Variants in LBR observed in about 807,000 individuals in gnomAD.
LBR encodes delta(14)-sterol reductase LBR.
A neutral mutation model predicts 74.3 loss-of-function variants in LBR; 28 were observed. The ratio of observed to expected loss-of-function variants is 0.38; its 90% CI spans 0.28 to 0.52. LBR has a LOEUF of 0.52. Ranked by LOEUF, LBR falls within the 20% of genes least tolerant of loss-of-function variation. LBR has a pLI of 0.89. For synonymous variants in LBR, 228 were observed against 269.3 expected (o/e 0.85, Z 1.50); for missense variants, 717 against 760.3 (o/e 0.94, Z 0.67).
At chr1:225,404,085 G>A (rs1038433541) in intron 13 of LBR, among the ~76,000 whole-genome samples, 2 of 151,866 alleles carry the variant, frequency 1.3e-5, no homozygotes, top group African/African-American at 2.4e-5. Context: ...AAAAACCAAA[G>A]TTTTTCCCAA....
intron 5 of LBR, 129 bp downstream of exon 5, chr1:225,419,134 A>G: frequency 1.2e-6 from 1 of 863,096 alleles, no homozygotes; most frequent in Non-Finnish European, 2.0e-6. Flanking sequence ...AGGCTCTTCC[A>G]CAGGTTCCCA....
chr1:225,419,193 C>T, intron 5 of LBR, 70 bp downstream of exon 5: 5 of 1,448,034 alleles, frequency 3.5e-6, no homozygotes, highest in South Asian at 1.1e-5. Context: ...GAGGCCTTTC[C>T]AGTTCACCTT....
chr1:225,408,107 T>C (rs375554296), intron 10 of LBR, among the ~76,000 whole-genome samples: 13 of 152,308 alleles, frequency 8.5e-5, no homozygotes, highest in Admixed American at 2.0e-4. Flanking sequence ...TACAGTGGTA[T>C]AGAATACTAG....
At chr1:225,424,514 C>T (rs1027438476) in intron 1 of LBR, among the ~76,000 whole-genome samples, 1 of 152,160 alleles carries the variant, frequency 6.6e-6, no homozygotes, top group Non-Finnish European at 1.5e-5. Context: ...ATAAACCAGA[C>T]TGGGAAAATC....
intron 11 of LBR, among the ~76,000 whole-genome samples, 184 bp from the exon 12 acceptor site, chr1:225,404,890 G>A (rs999027218): frequency 5.9e-5 from 9 of 152,064 alleles, no homozygotes; most frequent in East Asian, 1.9e-4. Flanking sequence ...ATGAGCCACC[G>A]CACCTGGCCT....
At position 225,411,421 on chromosome 1, in the gene LBR, G is replaced by A. The variant is rs1235379857; in HGVS notation, c.1104C>T (p.Phe368=). 1 of 1,613,496 alleles carries A rather than the reference G, an allele frequency of 6.2e-7. No individual in the cohort carries two copies. Among genetic ancestry groups the A allele is most frequent in the Admixed American group, 1.7e-5 (1 of 60,014 alleles). ...PASSGNAVYD[F]FIGRELNPRI... ...GAGGGTTTAATTCACGGCCAATGAA[G>A]AAATCATAGACAGCATTTCCTGAGA... Residue 368 remains phenylalanine, a synonymous_variant, in exon 9 of 14, where the codon TTC becomes TTT. Transcript: ENST00000272163.
rs755984972 is a variant in LBR, at chr1:225,422,219, C to T, written c.224G>A (p.Arg75His). ...GGSTSSSPSR[R>H]RGSRSRSRSR... ...GCGTGACCTTGATCGACTCCCTCGGCGTCTGGAAGGGGAACTGGAAGTTGA... is the reference window on the plus strand; with the variant it reads ...GCGTGACCTTGATCGACTCCCTCGGTGTCTGGAAGGGGAACTGGAAGTTGA... The change falls in exon 3 of 14, where the codon CGC (arginine) becomes CAC (histidine). Residue 75 changes from arginine to histidine, a missense_variant. By Grantham distance (29) the Arg-to-His change is conservative. Transcript: ENST00000272163. 9.2e-5 allele frequency: 148 copies of T among 1,613,684 alleles called. No homozygotes were observed. Among genetic ancestry groups the T allele is most frequent in the South Asian group, 2.2e-4 (20 of 91,060 alleles).
chr1:225,415,261 TAAA>T lies in LBR; in HGVS notation c.892+14_892+16del. The T allele has an allele frequency of 1.3e-6, 2 of 1,535,686 alleles. No individual in the cohort carries two copies. Among genetic ancestry groups the T allele is most frequent in the Non-Finnish European group, 1.8e-6 (2 of 1,114,530 alleles). The stretch of plus-strand genomic sequence containing the variant: ...GCTATCAAATCATCAATTTGAGTCT[TAAA>T]AAAAGAAAATCACCATTTAATCTAT... On this transcript the variant is annotated intron_variant, in intron 7 of 13. Coordinates refer to ENST00000272163, the MANE Select transcript of LBR (RefSeq NM_002296.4).
chr1:225,417,063 C>T (rs983375244), intron 6 of LBR, among the ~76,000 whole-genome samples: 6 of 151,910 alleles, frequency 3.9e-5, no homozygotes, highest in Non-Finnish European at 8.8e-5. Context: ...CTTTAAACAC[C>T]AAAACTGCTT....
At chr1:225,408,316 T>TA (rs2096096718) in intron 10 of LBR, among the ~76,000 whole-genome samples, 1 of 152,202 alleles carries the variant, frequency 6.6e-6, no homozygotes, top group Admixed American at 6.5e-5. Context: ...AAGAGTGTCT[T>TA]ATTCTTCTCT....
chr1:225,419,389 T>C lies in LBR; in HGVS notation c.514A>G (p.Arg172Gly). Reference protein sequence around the residue: ...IATQYSLRPRREEVKLKEIDS... With the variant: ...IATQYSLRPRGEEVKLKEIDS... The stretch of plus-strand genomic sequence containing the variant: ...ATTTCTTTTAATTTGACTTCTTCTC[T>C]TCTTGGACGAAGGCTATACTGTGTT... The change falls in exon 5 of 14, where the codon AGA becomes GGA. Residue 172 changes from arginine (R) to glycine (G), a missense_variant. Arg to Gly is a moderately radical substitution (Grantham distance 125). Coordinates refer to ENST00000272163, the MANE Select transcript of LBR (RefSeq NM_002296.4). 1 of 1,613,714 alleles carries C rather than the reference T, an allele frequency of 6.2e-7. No homozygotes were observed. Among genetic ancestry groups the C allele is most frequent in the Middle Eastern group, 1.7e-4 (1 of 6,056 alleles).
intron 10 of LBR, 148 bp downstream of exon 10, chr1:225,410,143 C>T (rs1374049589): frequency 2.6e-5 from 31 of 1,178,670 alleles, no homozygotes; most frequent in East Asian, 2.5e-5. Flanking sequence ...TCGTCAGCTT[C>T]ACATGGATGG....
chr1:225,427,464 C>T (rs1055011593), intron 1 of LBR: 2 of 152,828 alleles, frequency 1.3e-5, no homozygotes, highest in African/African-American at 4.8e-5. Flanking sequence ...AATCTAAGCC[C>T]ACCTCGGCCG....
Position 225,415,279 on chromosome 1 carries a change from A to G in LBR, c.891T>C (p.Asn297=). 6.3e-7 allele frequency: 1 copy of G among 1,583,510 alleles called. No homozygotes were observed. ...IDGRRLKYRL[N]GFYAFILTSA... is the part of the protein sequence containing the mutation. ...TGAGTCTTAAAAAAAGAAAATCACC[A>G]TTTAATCTATACTTGAGTCTTCTTC... The change falls in exon 7 of 14, where the codon AAT becomes AAC. Residue 297 remains asparagine (N), a splice_region_variant and synonymous_variant. Coordinates refer to ENST00000272163, the MANE Select transcript of LBR (RefSeq NM_002296.4).
chr1:225,410,275 T>C lies in LBR; in HGVS notation c.1314+16A>G. On this transcript the variant is annotated intron_variant, in intron 10 of 13. Transcript: ENST00000272163. ...AGCCATCTGACTCCAAGGCCTCGGC[T>C]CTTAAAATTAATTACCTCATTCCAG... The C allele has an allele frequency of 6.2e-7, 1 of 1,613,852 alleles. No homozygotes were observed. The highest frequency in any genetic ancestry group is 8.5e-7 in the Non-Finnish European group (1 of 1,179,908).
rs2096085021 is a variant in LBR at position 225,403,369 on chromosome 1, T to C, written c.1782A>G (p.Lys594=). Residue 594 remains lysine, a synonymous_variant, in exon 14 of 14, where the codon AAA becomes AAG. Transcript: ENST00000272163. ...EARDEYHCKK[K]YGVAWEKYCQ... is the part of the protein sequence containing the mutation. Reference sequence around the variant, plus strand: ...AGTACTTTTCCCAAGCCACGCCGTATTTCTTCTTACAGTGGTACTCGTCAC... The same window carrying C: ...AGTACTTTTCCCAAGCCACGCCGTACTTCTTCTTACAGTGGTACTCGTCAC... The C allele has an allele frequency of 1.2e-6, 2 of 1,613,672 alleles. No individual in the cohort carries two copies. The highest frequency in any genetic ancestry group is 1.1e-5 in the South Asian group (1 of 91,074).
At position 225,402,899 on chromosome 1, in the gene LBR, A is replaced by G; in HGVS notation, c.*404T>C. ...CTATTCTCTTACTGAATAAAACATA[A>G]ATGTACTTTAAATGGAACAGTGTTT... On this transcript the variant is annotated 3_prime_UTR_variant, in exon 14 of 14. Transcript: ENST00000272163. 5.7e-6 allele frequency: 1 copy of G among 173,962 alleles called. No homozygotes were observed. Among genetic ancestry groups the G allele is most frequent in the African/African-American group, 2.4e-5 (1 of 41,744 alleles). 10.8% of individuals were successfully genotyped at this position (173,962 alleles called of 1,614,324 possible).
At chr1:225,408,256 TAGCGCCCACATATAAGTG>T (rs2096096574) in intron 10 of LBR, among the ~76,000 whole-genome samples, 1 of 152,212 alleles carries the variant, frequency 6.6e-6, no homozygotes, top group African/African-American at 2.4e-5. Context: ...TCAACTTTTT[TAGCGCCCACATATAAGTG>T]AGGACACACG....
intron 1 of LBR, among the ~76,000 whole-genome samples, chr1:225,427,038 C>T (rs1433700006): frequency 6.6e-6 from 1 of 152,240 alleles, no homozygotes; most frequent in Non-Finnish European, 1.5e-5. Flanking sequence ...CGTGCAAGGT[C>T]CCCGGGGGCC....
Sources: gnomAD v4.1 joint callset for allele counts (sites outside exome capture counted in the v4.1 genomes callset) on GRCh38, gnomAD v4.1.1 for gene constraint, MANE v1.5 for transcripts, NCBI Gene and HGNC (gene_info 2026-07-23, HGNC 2026-07-21) for gene names.